SIGLEC7: variants seen among roughly 807,000 people sequenced by gnomAD.
SIGLEC7 encodes sialic acid-binding Ig-like lectin 7.
In SIGLEC7, 33 loss-of-function variants were observed where a neutral mutation model predicts 40.8. That is an observed-to-expected ratio of 0.81 (90% CI 0.61 to 1.08). The LOEUF (loss-of-function observed/expected upper bound fraction) is 1.08. Among genes scored for constraint, SIGLEC7 ranks in the 50% least tolerant of loss-of-function variants. The pLI is 0.00. For missense variants in SIGLEC7, 513 were observed against 576.1 expected, an observed-to-expected ratio of 0.89 and a Z score of 1.12; for synonymous variants, 242 against 237.6, an observed-to-expected ratio of 1.02 and a Z score of -0.17.
intron 6 of SIGLEC7, among the ~76,000 whole-genome samples, chr19:51,149,487 T>A (rs191543481): frequency 6.6e-6 from 1 of 152,168 alleles, no homozygotes; most frequent in Non-Finnish European, 1.5e-5. Flanking sequence ...ATTTCTGGGC[T>A]CTCTATTCCG....
At chr19:51,149,746 T>C (rs1364014797) in intron 6 of SIGLEC7, among the ~76,000 whole-genome samples, 1 of 152,226 alleles carries the variant, frequency 6.6e-6, no homozygotes, top group Non-Finnish European at 1.5e-5. Flanking sequence ...TTGGGCAGTA[T>C]GGCCATTTTA....
chr19:51,142,402 G>C lies in SIGLEC7; in HGVS notation c.33G>C (p.Trp11Cys). MLLLLLLPLLWGRERVEGQKS... is the reference protein window; with the variant it reads MLLLLLLPLLCGRERVEGQKS... Reference sequence around the variant, plus strand: ...TGCTGCTGCTGCTGCCCCTGCTCTGGGGGAGGGAGAGGGTGGAAGGACAGA... The same window carrying C: ...TGCTGCTGCTGCTGCCCCTGCTCTGCGGGAGGGAGAGGGTGGAAGGACAGA... The change falls in exon 1 of 7, where the codon TGG (tryptophan) becomes TGC (cysteine). Residue 11 changes from tryptophan to cysteine, a missense_variant. By Grantham distance (215) the Trp-to-Cys change is radical. Transcript: ENST00000317643. The surrounding 1 kb of genome is among the most constrained non-coding windows in gnomAD (Gnocchi z 5.0). The C allele has an allele frequency of 1.2e-6, 2 of 1,614,068 alleles. No individual in the cohort carries two copies. The highest frequency in any genetic ancestry group is 1.7e-6 in the Non-Finnish European group (2 of 1,179,976).
In SIGLEC7 at chr19:51,153,274, G is replaced by A. The variant is rs2092157047; in HGVS notation, c.*29G>A. 2 of 1,512,536 alleles carry A rather than the reference G, an allele frequency of 1.3e-6. No individual in the cohort carries two copies. 93.7% of individuals were successfully genotyped at this position (1,512,536 alleles called of 1,614,324 possible). A position where few individuals can be genotyped will look rare whatever the true frequency, so the allele number is the denominator to read the frequency against. ...AATGCAGAGGCTCGGGCTTGTTTGA[G>A]GGTTCACGACCCCTCCAGCAAAGGA... is the stretch of plus-strand genomic sequence containing the variant. On this transcript the variant is annotated 3_prime_UTR_variant, in exon 7 of 7. Transcript: ENST00000317643.
At position 51,144,472 on chromosome 19, in the gene SIGLEC7, C is replaced by T; in HGVS notation, c.500C>T (p.Thr167Ile). The T allele has an allele frequency of 6.2e-7, 1 of 1,613,656 alleles. No homozygotes were observed. The highest frequency in any genetic ancestry group is 8.5e-7 in the Non-Finnish European group (1 of 1,179,986). Reference protein sequence around the residue: ...TLESGCFQNLTCSVPWACEQG... With the variant: ...TLESGCFQNLICSVPWACEQG... ...GAGTCTGGCTGCTTCCAGAATCTGA[C>T]CTGCTCTGTGCCCTGGGCCTGTGAG... Residue 167 changes from threonine to isoleucine, a missense_variant, in exon 2 of 7, where the codon ACC becomes ATC. Physicochemically the swap from Thr to Ile is moderately conservative, Grantham distance 89. Coordinates refer to ENST00000317643, the MANE Select transcript of SIGLEC7 (RefSeq NM_014385.4).
At chr19:51,143,809 G>A (rs2092087356) in intron 1 of SIGLEC7, 13 of 368,386 alleles carry the variant, frequency 3.5e-5, no homozygotes, top group South Asian at 2.7e-4. Context: ...GCTGGGCTGA[G>A]CCTCATTTCC....
Position 51,145,551 on chromosome 19 carries a change from C to T in SIGLEC7, c.761-304C>T, listed in dbSNP as rs893496215. Among the ~76,000 whole-genome samples, 5 of 152,280 alleles carry T rather than the reference C, an allele frequency of 3.3e-5. No individual in the cohort carries two copies. The East Asian group carries it at 5.8e-4, about 18-fold the overall frequency. On this transcript the variant is annotated intron_variant, in intron 3 of 6. Transcript: ENST00000317643. The surrounding 1 kb of genome is among the most constrained non-coding windows in gnomAD (Gnocchi z 4.3). ...AGATCATGGCACTAATTTTATCCTACGGCACGAACACTGCAATGAATAATG... is the reference window on the plus strand; with the variant it reads ...AGATCATGGCACTAATTTTATCCTATGGCACGAACACTGCAATGAATAATG...
chr19:51,147,281 G>C lies in SIGLEC7; in HGVS notation c.1185G>C (p.Met395Ile). 1 of 1,612,346 alleles carries C rather than the reference G, an allele frequency of 6.2e-7. No homozygotes were observed. The highest frequency in any genetic ancestry group is 8.5e-7 in the Non-Finnish European group (1 of 1,178,868). ...RPAADVGDIG[M>I]KDANTIRGSA... ...CAGCGGACGTGGGAGACATAGGCATGAAGGATGCAAACACCATCAGGGGCT... is the reference window on the plus strand; with the variant it reads ...CAGCGGACGTGGGAGACATAGGCATCAAGGATGCAAACACCATCAGGGGCT... Residue 395 changes from methionine (M) to isoleucine (I), a missense_variant, in exon 6 of 7, where the codon ATG becomes ATC. Met to Ile is a conservative substitution (Grantham distance 10). Transcript: ENST00000317643.
At chr19:51,147,096 G>T in intron 5 of SIGLEC7, 125 bp from the exon 6 acceptor site, 1 of 1,444,240 alleles carries the variant, frequency 6.9e-7, no homozygotes, top group South Asian at 1.2e-5. Context: ...CTCTGGGACT[G>T]GACCACCCTC....
chr19:51,144,548 G>C lies in SIGLEC7; in HGVS notation c.576G>C (p.Leu192=), dbSNP rs769661678. 1 of 1,613,698 alleles carries C rather than the reference G, an allele frequency of 6.2e-7. No homozygotes were observed. Among genetic ancestry groups the C allele is most frequent in the African/African-American group, 1.3e-5 (1 of 75,002 alleles). ...ISWMGTSVSP[L]HPSTTRSSVL... ...GGATGGGGACCTCTGTGTCCCCCCTGCACCCCTCCACCACCCGCTCCTCAG... is the reference window on the plus strand; with the variant it reads ...GGATGGGGACCTCTGTGTCCCCCCTCCACCCCTCCACCACCCGCTCCTCAG... The change falls in exon 2 of 7, where the codon CTG becomes CTC. Residue 192 remains leucine (L), a synonymous_variant. Transcript: ENST00000317643.
At chr19:51,148,526 T>C (rs180782139) in intron 6 of SIGLEC7, among the ~76,000 whole-genome samples, 1 of 152,344 alleles carries the variant, frequency 6.6e-6, no homozygotes. Context: ...TCTCATTCTT[T>C]TTTATGGCTG....
chr19:51,146,582 C>G (rs147317514), intron 4 of SIGLEC7, among the ~76,000 whole-genome samples, 172 bp from the exon 5 acceptor site: 14 of 152,346 alleles, frequency 9.2e-5, no homozygotes, highest in African/African-American at 3.1e-4. Flanking sequence ...GCTTACCACT[C>G]TCATGCCTCA....
At chr19:51,152,037 G>A (rs570820547) in intron 6 of SIGLEC7, among the ~76,000 whole-genome samples, 1 of 152,258 alleles carries the variant, frequency 6.6e-6, no homozygotes, top group East Asian at 1.9e-4. Flanking sequence ...CAACACACAT[G>A]GATTAAAGTT....
intron 1 of SIGLEC7, chr19:51,143,953 T>C: frequency 2.1e-6 from 1 of 469,718 alleles, no homozygotes; most frequent in Non-Finnish European, 4.3e-6. Flanking sequence ...ACTCTAGCCC[T>C]GTCCATGGAT....
intron 1 of SIGLEC7, 105 bp from the exon 2 acceptor site, chr19:51,144,301 G>A (rs2092090514): frequency 2.3e-5 from 35 of 1,510,580 alleles, no homozygotes; most frequent in Non-Finnish European, 3.1e-5. Context: ...GGCTGAGGGT[G>A]AAGCGAGTTG....
Position 51,145,066 on chromosome 19 carries a change from T to C in SIGLEC7, c.760+107T>C. 1 of 1,132,218 alleles carries C rather than the reference T, an allele frequency of 8.8e-7. No individual in the cohort carries two copies. The highest frequency in any genetic ancestry group is 1.3e-5 in the South Asian group (1 of 79,384). The allele number at this position is 1,132,218 out of a possible 1,614,324, so 70.1% of individuals were successfully genotyped here. ...TCACCCTGGTGATATGAGACTCCCT[T>C]GTAGTTGAACCCAGGCCTCCTCCCC... On this transcript the variant is annotated intron_variant, in intron 3 of 6. Coordinates refer to ENST00000317643, the MANE Select transcript of SIGLEC7 (RefSeq NM_014385.4). This position sits in a 1 kb window ranked among gnomAD's most constrained non-coding sequence, Gnocchi z 4.3.
intron 6 of SIGLEC7, among the ~76,000 whole-genome samples, chr19:51,149,089 C>A (rs2092128026): frequency 6.6e-6 from 1 of 152,160 alleles, no homozygotes. Flanking sequence ...GCATAGTTTG[C>A]AAGTATTTTC....
In SIGLEC7 at chr19:51,144,437, C is replaced by T. The variant is rs186385053; in HGVS notation, c.465C>T (p.Pro155=). The T allele has an allele frequency of 1.5e-5, 24 of 1,612,244 alleles. No individual in the cohort carries two copies. The highest frequency in any genetic ancestry group is 3.3e-4 in the Middle Eastern group (2 of 6,058). ...ALTHRPNILI[P]GTLESGCFQN... ...CCCACAGGCCCAACATCCTTATCCCCGGTACCCTGGAGTCTGGCTGCTTCC... is the reference window on the plus strand; with the variant it reads ...CCCACAGGCCCAACATCCTTATCCCTGGTACCCTGGAGTCTGGCTGCTTCC... The change falls in exon 2 of 7, where the codon CCC becomes CCT. Residue 155 remains proline (P), a synonymous_variant. Transcript: ENST00000317643.
At chr19:51,144,773 C>T in intron 2 of SIGLEC7, 89 bp downstream of exon 2, 2 of 1,579,558 alleles carry the variant, frequency 1.3e-6, no homozygotes, top group Non-Finnish European at 1.7e-6. Context: ...ACACTGGGTG[C>T]TGGGTCCCAG....
chr19:51,149,934 T>C (rs2092133611), intron 6 of SIGLEC7, among the ~76,000 whole-genome samples: 1 of 152,232 alleles, frequency 6.6e-6, no homozygotes, highest in African/African-American at 2.4e-5. Context: ...GTGTTCCTAA[T>C]GTGACTCTTG....
Sources: allele counts gnomAD v4.1 joint callset (sites outside exome capture counted in the v4.1 genomes callset), GRCh38; gene constraint gnomAD v4.1.1; non-coding constraint Gnocchi (gnomAD v3.1); transcripts MANE v1.5; gene names NCBI Gene and HGNC (gene_info 2026-07-23, HGNC 2026-07-21).